The following ITGAV variants were observed in gnomAD, a reference collection of about 807,000 sequenced individuals.
ITGAV encodes integrin alpha-V.
In ITGAV, 76 loss-of-function variants were observed where a neutral mutation model predicts 143.8. That is an observed-to-expected ratio of 0.53 (90% CI 0.44 to 0.64). The LOEUF is 0.64. Among genes scored for constraint, ITGAV ranks in the 30% least tolerant of loss-of-function variants. ITGAV has a pLI of 0.00. For missense variants in ITGAV, 1,193 were observed against 1,274.7 expected (o/e 0.94, Z 0.98); for synonymous variants, 453 against 446.7 (o/e 1.01, Z -0.18).
At chr2:186,614,930 G>C (rs908163647) in intron 2 of ITGAV, among the ~76,000 whole-genome samples, 7 of 151,900 alleles carry the variant, frequency 4.6e-5, no homozygotes, top group African/African-American at 1.4e-4. Context: ...TATATTTATA[G>C]AGTTTTGTAA....
At chr2:186,659,752 T>C (rs1362984037) in intron 18 of ITGAV, among the ~76,000 whole-genome samples, 1 of 151,816 alleles carries the variant, frequency 6.6e-6, no homozygotes. Context: ...TTTATCATTT[T>C]TTTTTTGTCT....
In ITGAV at chr2:186,656,260, A is replaced by G. The variant is rs753266506; in HGVS notation, c.1578A>G (p.Glu526=). 3.7e-5 allele frequency: 59 copies of G among 1,580,950 alleles called. No homozygotes were observed. The South Asian group carries it at 5.9e-4, about 16-fold the overall frequency. The change falls in exon 17 of 30, where the codon GAA becomes GAG. Residue 526 remains glutamate (E), a synonymous_variant. Coordinates refer to ENST00000261023, the MANE Select transcript of ITGAV (RefSeq NM_002210.5). ...VLPRKLNFQV[E]LLLDKLKQKG... Reference sequence around the variant, plus strand: ...TGGTTTACATAGATTTCCAGGTGGAACTTCTTTTGGATAAACTCAAGCAAA... The same window carrying G: ...TGGTTTACATAGATTTCCAGGTGGAGCTTCTTTTGGATAAACTCAAGCAAA...
Position 186,663,835 on chromosome 2 carries a change from G to A in ITGAV, c.1925G>A (p.Ser642Asn), listed in dbSNP as rs1475952532. The A allele has an allele frequency of 6.2e-7, 1 of 1,602,708 alleles. No homozygotes were observed. The highest frequency in any genetic ancestry group is 1.3e-5 in the African/African-American group (1 of 74,620). The change falls in exon 19 of 30, where the codon AGT becomes AAT. Residue 642 changes from serine to asparagine, a missense_variant and splice_region_variant. Ser to Asn is a conservative substitution (Grantham distance 46). Coordinates refer to ENST00000261023, the MANE Select transcript of ITGAV (RefSeq NM_002210.5). ...CCCAAGCTGGAAGTTTCTGTAGATA[G>A]GTAAGTTTTGCTTGAAATAATAATG... Reference protein sequence around the residue: ...CKPKLEVSVDSDQKKIYIGDD... With the variant: ...CKPKLEVSVDNDQKKIYIGDD...
intron 5 of ITGAV, among the ~76,000 whole-genome samples, chr2:186,631,274 A>G (rs1687807803): frequency 6.6e-6 from 1 of 152,176 alleles, no homozygotes; most frequent in Non-Finnish European, 1.5e-5. Flanking sequence ...GGAAACATGT[A>G]TGTTTGCCAT....
chr2:186,598,655 C>G (rs1427325930), intron 1 of ITGAV, among the ~76,000 whole-genome samples: 1 of 152,096 alleles, frequency 6.6e-6, no homozygotes, highest in African/African-American at 2.4e-5. Flanking sequence ...TCTCAAACTC[C>G]TGACCTCAAG....
At chr2:186,652,468 C>T (rs1432503995) in intron 15 of ITGAV, among the ~76,000 whole-genome samples, 2 of 151,366 alleles carry the variant, frequency 1.3e-5, no homozygotes, top group Admixed American at 6.6e-5. Flanking sequence ...CTAGGATTTA[C>T]AGGCATGAGC....
chr2:186,648,551 A>T (rs1370782757), intron 13 of ITGAV, among the ~76,000 whole-genome samples: 1 of 152,062 alleles, frequency 6.6e-6, no homozygotes, highest in East Asian at 1.9e-4. Context: ...TGCAAACTTC[A>T]CCGCCCGGGT....
intron 17 of ITGAV, among the ~76,000 whole-genome samples, chr2:186,657,748 A>C (rs1688630062): frequency 6.6e-6 from 1 of 152,190 alleles, no homozygotes; most frequent in Non-Finnish European, 1.5e-5. Context: ...TACATAGGAA[A>C]ACTTTTAGAC....
chr2:186,614,413 T>C (rs1242892005), intron 2 of ITGAV, among the ~76,000 whole-genome samples: 3 of 152,084 alleles, frequency 2.0e-5, no homozygotes, highest in African/African-American at 7.2e-5. Context: ...TCTTAGTTCA[T>C]ATTACAAAAA....
At chr2:186,622,748 CCTCT>C (rs781081352) in intron 3 of ITGAV, among the ~76,000 whole-genome samples, 6 of 151,340 alleles carry the variant, frequency 4.0e-5, no homozygotes, top group African/African-American at 9.7e-5. Context: ...TTTAATACTT[CCTCT>C]CTCTCTCTCT....
intron 12 of ITGAV, among the ~76,000 whole-genome samples, chr2:186,642,972 A>C (rs1688150789): frequency 6.6e-6 from 1 of 152,230 alleles, no homozygotes; most frequent in African/African-American, 2.4e-5. Flanking sequence ...TAAAATGTGA[A>C]AAGAACACTA....
intron 2 of ITGAV, among the ~76,000 whole-genome samples, chr2:186,610,627 T>C (rs1267495341): frequency 1.3e-5 from 2 of 152,196 alleles, no homozygotes; most frequent in Non-Finnish European, 2.9e-5. Context: ...GTCTGCATAA[T>C]GACGGAATAG....
intron 18 of ITGAV, 27 bp downstream of exon 18, chr2:186,659,202 T>C (rs760321702): frequency 1.4e-6 from 2 of 1,405,602 alleles, no homozygotes; most frequent in Non-Finnish European, 1.9e-6. Flanking sequence ...ACCACTAATG[T>C]GATATTTTGT....
At chr2:186,630,764 G>T (rs1196371385) in intron 4 of ITGAV, 33 bp from the exon 5 acceptor site, 2 of 1,180,322 alleles carry the variant, frequency 1.7e-6, no homozygotes, top group South Asian at 2.6e-5. Flanking sequence ...TTTGTTTTTG[G>T]GTTTGTGTAT....
At chr2:186,661,419 G>C (rs955805629) in intron 18 of ITGAV, among the ~76,000 whole-genome samples, 1 of 152,040 alleles carries the variant, frequency 6.6e-6, no homozygotes, top group Non-Finnish European at 1.5e-5. Flanking sequence ...CCCATTTCAA[G>C]TGCTCAGAAG....
intron 16 of ITGAV, 122 bp downstream of exon 16, chr2:186,654,830 A>C: frequency 1.9e-6 from 1 of 536,432 alleles, no homozygotes; most frequent in Non-Finnish European, 3.3e-6. Flanking sequence ...TTGAATGTTT[A>C]TGCTTAAAGA....
rs777951405 is a variant in ITGAV, at chr2:186,654,693, C to A, written c.1549C>A (p.Leu517Ile). 1.9e-6 allele frequency: 3 copies of A among 1,541,408 alleles called. No homozygotes were observed. The highest frequency in any genetic ancestry group is 3.4e-5 in the Admixed American group (2 of 58,474). Residue 517 changes from leucine (L) to isoleucine (I), a missense_variant, in exon 16 of 30, where the codon CTT becomes ATT. By Grantham distance (5) the Leu-to-Ile change is conservative. Transcript: ENST00000261023. ...CTTAAAGGCAGATGGCAAAGGAGTA[C>A]TTCCCAGGAAACTTAGTAAGTGTTC... ...FCLKADGKGV[L>I]PRKLNFQVEL...
intron 6 of ITGAV, among the ~76,000 whole-genome samples, chr2:186,635,703 A>G (rs1687929736): frequency 6.6e-6 from 1 of 152,224 alleles, no homozygotes; most frequent in East Asian, 1.9e-4. Flanking sequence ...AAAAATATCA[A>G]TTGAACCAAT....
At chr2:186,668,677 C>A in intron 24 of ITGAV, 85 bp from the exon 25 acceptor site, 1 of 1,203,548 alleles carries the variant, frequency 8.3e-7, no homozygotes, top group Non-Finnish European at 1.2e-6. Flanking sequence ...CTATTGCTAA[C>A]ATGATTTCTA....
Sources: allele counts gnomAD v4.1 joint callset (sites outside exome capture counted in the v4.1 genomes callset), GRCh38; gene constraint gnomAD v4.1.1; transcripts MANE v1.5; gene names NCBI Gene and HGNC (gene_info 2026-07-23, HGNC 2026-07-21).